MYO3B: variants seen among roughly 807,000 people sequenced by gnomAD.
MYO3B encodes the protein myosin IIIB, also known as myosin-IIIb.
A neutral mutation model predicts 174.6 loss-of-function variants in MYO3B; 156 were observed. That is an observed-to-expected ratio of 0.89 (90% confidence interval 0.78 to 1.02). The LOEUF is 1.02. MYO3B is among the 50% of genes least tolerant of loss of function. The probability of loss-of-function intolerance (pLI) is 0.00; values close to 1 mark genes in which losing one functional copy is unlikely to be tolerated. For missense variants in MYO3B, 1,632 were observed against 1,639.4 expected, an observed-to-expected ratio of 1.00 and a Z score of 0.08; for synonymous variants, 563 against 569.1, an observed-to-expected ratio of 0.99 and a Z score of 0.15.
rs149312883 is a variant in MYO3B at position 170,357,622 on chromosome 2, C to T, written c.816-11600C>T. The stretch of plus-strand genomic sequence containing the variant: ...ACATATACCTTTATTTATTTAAGCA[C>T]CTATTGTTTTAAGGTGTCTTAAGTT... On this transcript the variant is annotated intron_variant, in intron 8 of 34. Coordinates refer to ENST00000408978, the MANE Select transcript of MYO3B (RefSeq NM_138995.5). Among the ~76,000 whole-genome samples the T allele has an allele frequency of 8.6e-5, 13 of 151,786 alleles. No individual in the cohort carries two copies. The East Asian group carries it at 2.5e-3, about 29-fold the overall frequency.
chr2:170,649,328 A>G lies in MYO3B; in HGVS notation c.3734-2300A>G, dbSNP rs1156591801. Among the ~76,000 whole-genome samples, 17 of 100,362 alleles carry G rather than the reference A, an allele frequency of 1.7e-4. No individual in the cohort carries two copies. In the East Asian group the frequency reaches 3.4e-3, roughly 20 times the overall value. The allele number at this position is 100,362 out of a possible 152,430, so 65.8% of individuals were successfully genotyped here. On this transcript the variant is annotated intron_variant, in intron 32 of 34. Coordinates refer to ENST00000408978, the MANE Select transcript of MYO3B (RefSeq NM_138995.5). ...ATATATATTATATATAAAATAATAT[A>G]ATATATATTATATATAAAATAATAT...
chr2:170,505,510 A>G (rs145558700), intron 28 of MYO3B, among the ~76,000 whole-genome samples: 5 of 152,358 alleles, frequency 3.3e-5, no homozygotes, highest in African/African-American at 1.2e-4. Context: ...CTAATCTGTT[A>G]TATTTTTAAA....
At chr2:170,435,079 C>T (rs2094742189) in intron 22 of MYO3B, among the ~76,000 whole-genome samples, 1 of 152,200 alleles carries the variant, frequency 6.6e-6, no homozygotes, top group South Asian at 2.1e-4. Flanking sequence ...GCAAGTATTG[C>T]ACTAGCGTAG....
chr2:170,369,408 T>C (rs2094223502), intron 9 of MYO3B, 31 bp downstream of exon 9: 15 of 1,587,960 alleles, frequency 9.4e-6, no homozygotes, highest in Non-Finnish European at 1.3e-5. Flanking sequence ...TTTCTCCCTG[T>C]GGTTGTTTAT....
At position 170,519,493 on chromosome 2, in the gene MYO3B, C is replaced by G. The variant is rs752492745; in HGVS notation, c.3528C>G (p.Gly1176=). The change falls in exon 30 of 35, where the codon GGC becomes GGG. Residue 1176 remains glycine, a synonymous_variant. Coordinates refer to ENST00000408978, the MANE Select transcript of MYO3B (RefSeq NM_138995.5). ...RSHSQAESNN[G]RTQTSSNSPA... ...ATTCACAAGCAGAATCCAACAATGGCCGTACACAGACTTCAAGCAACTCTC... is the reference window on the plus strand; with the variant it reads ...ATTCACAAGCAGAATCCAACAATGGGCGTACACAGACTTCAAGCAACTCTC... 8.1e-6 allele frequency: 13 copies of G among 1,613,846 alleles called. No individual in the cohort carries two copies. In the African/African-American group the frequency reaches 1.7e-4, roughly 22 times the overall value.
chr2:170,460,691 A>C (rs940198029), intron 23 of MYO3B, among the ~76,000 whole-genome samples: 2 of 152,222 alleles, frequency 1.3e-5, no homozygotes. Flanking sequence ...GATGCTGTGC[A>C]GTTAGACAGG....
chr2:170,602,936 C>T (rs1312515503), intron 32 of MYO3B, among the ~76,000 whole-genome samples: 3 of 152,052 alleles, frequency 2.0e-5, no homozygotes, highest in African/African-American at 7.3e-5. Flanking sequence ...CATGGTGGTG[C>T]ATGTGCGTGT....
At chr2:170,499,913 TCCTTCTCCCCTCCCTCCCTC>T (rs1687136238) in intron 27 of MYO3B, 105 bp downstream of exon 27, 1 of 881,612 alleles carries the variant, frequency 1.1e-6, no homozygotes, top group East Asian at 2.6e-5. Flanking sequence ...CTCCCTCCCT[TCCTTCTCCCCTCCCTCCCTC>T]CCTTCCTTCC....
chr2:170,550,400 G>A (rs891425053), intron 32 of MYO3B, among the ~76,000 whole-genome samples: 1 of 152,182 alleles, frequency 6.6e-6, no homozygotes, highest in South Asian at 2.1e-4. Flanking sequence ...TGAACCCACT[G>A]CATAGTTTCC....
intron 22 of MYO3B, chr2:170,411,823 T>C (rs1337766595): frequency 6.6e-6 from 1 of 152,148 alleles, no homozygotes; most frequent in Non-Finnish European, 1.5e-5. Flanking sequence ...TACACCTGGC[T>C]GCATCTGGCT....
rs1430638396 is a variant in MYO3B at position 170,382,004 on chromosome 2, A to C, written c.972-12A>C. 1 of 1,608,526 alleles carries C rather than the reference A, an allele frequency of 6.2e-7. No individual in the cohort carries two copies. The highest frequency in any genetic ancestry group is 1.3e-5 in the African/African-American group (1 of 74,862). On this transcript the variant is annotated splice_polypyrimidine_tract_variant and intron_variant, in intron 9 of 34. Transcript: ENST00000408978. ...CTGTCTTAATGCTTAAACTCTCTTG[A>C]TAAATTTCTAGGCATGAGAGGATGC...
At chr2:170,402,055 C>G (rs1435156572) in intron 18 of MYO3B, among the ~76,000 whole-genome samples, 2 of 152,214 alleles carry the variant, frequency 1.3e-5, no homozygotes, top group Non-Finnish European at 2.9e-5. Flanking sequence ...GAAGGAGCCA[C>G]TAAGTGTAGT....
At chr2:170,550,431 C>T (rs1011498772) in intron 32 of MYO3B, among the ~76,000 whole-genome samples, 22 of 152,086 alleles carry the variant, frequency 1.4e-4, no homozygotes, top group African/African-American at 4.3e-4. Flanking sequence ...GGGATGGAGG[C>T]GGGGATTCGT....
chr2:170,307,937 A>T (rs2093711971), intron 7 of MYO3B, among the ~76,000 whole-genome samples: 1 of 152,186 alleles, frequency 6.6e-6, no homozygotes, highest in Admixed American at 6.5e-5. Flanking sequence ...TCTGGTCCAG[A>T]GTCGATCCCT....
At chr2:170,208,369 G>A (rs1221771968) in intron 3 of MYO3B, among the ~76,000 whole-genome samples, 1 of 152,298 alleles carries the variant, frequency 6.6e-6, no homozygotes, top group African/African-American at 2.4e-5. Flanking sequence ...GGTGGCTATA[G>A]TTATGCTTGC....
intron 6 of MYO3B, among the ~76,000 whole-genome samples, chr2:170,220,259 AAAAC>A (rs2092881010): frequency 3.3e-5 from 1 of 30,716 alleles, no homozygotes; most frequent in African/African-American, 1.5e-4. Flanking sequence ...CTCCGTCTCA[AAAAC>A]AAAACAAAAC....
chr2:170,504,677 CTG>C (rs992565380), intron 28 of MYO3B, among the ~76,000 whole-genome samples: 1 of 152,326 alleles, frequency 6.6e-6, no homozygotes, highest in Non-Finnish European at 1.5e-5. Context: ...ATTAGGAACT[CTG>C]TGTCCTTGTT....
intron 32 of MYO3B, among the ~76,000 whole-genome samples, chr2:170,600,409 G>A (rs1694435513): frequency 6.6e-6 from 1 of 151,950 alleles, no homozygotes. Context: ...AATGAGTTTG[G>A]GTTTTGTAAA....
At chr2:170,640,144 G>A (rs573548787) in intron 32 of MYO3B, among the ~76,000 whole-genome samples, 1 of 152,290 alleles carries the variant, frequency 6.6e-6, no homozygotes, top group South Asian at 2.1e-4. Flanking sequence ...GGAAGGAGGA[G>A]GAACTTTGTT....
Sources: gnomAD v4.1 joint callset for allele counts (sites outside exome capture counted in the v4.1 genomes callset) on GRCh38, gnomAD v4.1.1 for gene constraint, MANE v1.5 for transcripts, NCBI Gene and HGNC (gene_info 2026-07-23, HGNC 2026-07-21) for gene names.